The following WIPF1 variants were observed in gnomAD, a reference collection of about 807,000 sequenced individuals.
WIPF1 encodes WAS/WASL interacting protein family member 1, also known as WAS/WASL-interacting protein family member 1.
Under a neutral mutation model 35.4 loss-of-function variants are expected in WIPF1, and 13 were observed. That is an observed-to-expected ratio of 0.37 (90% CI 0.24 to 0.58). The LOEUF (loss-of-function observed/expected upper bound fraction) is 0.58. Ranked by LOEUF, WIPF1 falls within the 20% of genes least tolerant of loss-of-function variation. WIPF1 has a pLI of 0.74. For missense variants in WIPF1, 591 were observed against 667.0 expected, an observed-to-expected ratio of 0.89 and a Z score of 1.25; for synonymous variants, 267 against 266.3, an observed-to-expected ratio of 1.00 and a Z score of -0.02.
intron 1 of WIPF1, among the ~76,000 whole-genome samples, chr2:174,659,001 T>C (rs535943443): frequency 2.6e-5 from 4 of 152,164 alleles, no homozygotes; most frequent in South Asian, 4.2e-4. Context: ...GGAGATAATA[T>C]CTACTGTACA....
rs769341820 is a variant in WIPF1 at position 174,567,912 on chromosome 2, G to A, written c.1291C>T (p.Pro431Ser). Residue 431 changes from proline (P) to serine (S), a missense_variant, in exon 6 of 8, where the codon CCT becomes TCT. Coordinates refer to ENST00000679041, the MANE Select transcript of WIPF1 (RefSeq NM_001375834.1). ...DRPSAGAPPP[P>S]PPSTSIRNGF... ...TTTCTAATAGATGTTGATGGTGGAG[G>A]TGGGGGAGGTGCCCCAGCACTGGGC... 4 of 1,612,560 alleles carry A rather than the reference G, an allele frequency of 2.5e-6. No homozygotes were observed. Among genetic ancestry groups the A allele is most frequent in the Non-Finnish European group, 3.4e-6 (4 of 1,179,274 alleles).
rs986063352 is a variant in WIPF1, at chr2:174,585,372, A to G, written c.51+151T>C. On this transcript the variant is annotated intron_variant, in intron 2 of 7. Coordinates refer to ENST00000679041, the MANE Select transcript of WIPF1 (RefSeq NM_001375834.1). ...GTGTTGTTTGTATTTGCTGGGTTTCAGGATTTGGCTTACCCTGGGCACTGG... is the reference window on the plus strand; with the variant it reads ...GTGTTGTTTGTATTTGCTGGGTTTCGGGATTTGGCTTACCCTGGGCACTGG... The G allele has an allele frequency of 1.5e-5, 11 of 744,056 alleles. No homozygotes were observed. In the African/African-American group the frequency reaches 1.6e-4, roughly 11 times the overall value. 46.1% of individuals were successfully genotyped at this position (744,056 alleles called of 1,614,324 possible). A position where few individuals can be genotyped will look rare whatever the true frequency, so the allele number is the denominator to read the frequency against.
chr2:174,609,316 G>A (rs183699038), intron 1 of WIPF1, among the ~76,000 whole-genome samples: 10 of 152,288 alleles, frequency 6.6e-5, no homozygotes, highest in Admixed American at 6.5e-4. Flanking sequence ...TTGCACTGTT[G>A]TATTCATTCC....
At chr2:174,661,467 G>A (rs1380748330) in intron 1 of WIPF1, among the ~76,000 whole-genome samples, 1 of 151,896 alleles carries the variant, frequency 6.6e-6, no homozygotes, top group East Asian at 1.9e-4. Flanking sequence ...CACCAGGCAT[G>A]CCCTCAGCCT....
At chr2:174,601,610 C>T (rs1464036646), upstream of WIPF1, among the ~76,000 whole-genome samples, 10 of 152,228 alleles carry the variant, frequency 6.6e-5, no homozygotes, top group Admixed American at 6.5e-4. Flanking sequence ...TTGGAAGCCA[C>T]CTCTGCAGTG....
chr2:174,607,952 C>T (rs2105893840), intron 1 of WIPF1, among the ~76,000 whole-genome samples: 1 of 152,314 alleles, frequency 6.6e-6, no homozygotes, highest in East Asian at 1.9e-4. Context: ...TATGCTGCTC[C>T]ACGTTTGGCT....
At chr2:174,567,598 C>G (rs1249220597) in intron 6 of WIPF1, among the ~76,000 whole-genome samples, 1 of 152,212 alleles carries the variant, frequency 6.6e-6, no homozygotes, top group Non-Finnish European at 1.5e-5. Context: ...CCTGGAATCT[C>G]TGGAAAGTTA....
intron 1 of WIPF1, among the ~76,000 whole-genome samples, chr2:174,588,214 C>G (rs1371491525): frequency 6.6e-6 from 1 of 152,228 alleles, no homozygotes; most frequent in African/African-American, 2.4e-5. Context: ...AGGGGGATAG[C>G]CTGGTCTGCC....
intron 1 of WIPF1, among the ~76,000 whole-genome samples, chr2:174,623,949 T>C (rs989486348): frequency 6.6e-6 from 1 of 152,094 alleles, no homozygotes; most frequent in African/African-American, 2.4e-5. Flanking sequence ...GCTTTGTGGA[T>C]GGGCACAGGG....
intron 1 of WIPF1, among the ~76,000 whole-genome samples, chr2:174,654,723 G>A (rs980869553): frequency 6.7e-5 from 10 of 150,244 alleles, no homozygotes; most frequent in South Asian, 2.1e-4. Flanking sequence ...TATATCTTCC[G>A]ATTGCTCCCC....
intron 1 of WIPF1, among the ~76,000 whole-genome samples, chr2:174,647,785 G>C (rs574659663): frequency 6.6e-6 from 1 of 152,334 alleles, no homozygotes; most frequent in East Asian, 1.9e-4. Context: ...AAGCCATGAA[G>C]GTAGGTAGAG....
chr2:174,612,708 T>G (rs1485790332), intron 1 of WIPF1, among the ~76,000 whole-genome samples: 2 of 152,196 alleles, frequency 1.3e-5, no homozygotes, highest in Non-Finnish European at 2.9e-5. Flanking sequence ...CTTTGCCAAT[T>G]TGATAGGTTT....
chr2:174,570,277 T>C (rs1474313412), intron 5 of WIPF1, among the ~76,000 whole-genome samples: 2 of 152,156 alleles, frequency 1.3e-5, no homozygotes, highest in African/African-American at 2.4e-5. Context: ...ACAATATATG[T>C]AGTGGGATAC....
intron 1 of WIPF1, among the ~76,000 whole-genome samples, chr2:174,681,675 G>A (rs1688247209): frequency 6.6e-6 from 1 of 152,184 alleles, no homozygotes; most frequent in African/African-American, 2.4e-5. Flanking sequence ...CGCAGCCAGG[G>A]ATGGGGGAAT....
intron 1 of WIPF1, among the ~76,000 whole-genome samples, chr2:174,640,739 C>T (rs1664046197): frequency 1.3e-5 from 2 of 151,792 alleles, no homozygotes; most frequent in South Asian, 4.2e-4. Flanking sequence ...TAAGGTATAT[C>T]TCCTAATGCT....
intron 1 of WIPF1, among the ~76,000 whole-genome samples, chr2:174,642,599 G>C (rs189183656): frequency 1.3e-5 from 2 of 151,112 alleles, no homozygotes; most frequent in Non-Finnish European, 2.9e-5. Context: ...CACCTGCCTC[G>C]GCCTCCCAAA....
intron 1 of WIPF1, among the ~76,000 whole-genome samples, chr2:174,630,120 T>A (rs1163398697): frequency 6.6e-6 from 1 of 152,214 alleles, no homozygotes; most frequent in East Asian, 1.9e-4. Context: ...CACACGTATA[T>A]TTGTGTGTGC....
chr2:174,605,058 C>A (rs72914542), intron 1 of WIPF1, among the ~76,000 whole-genome samples: 7 of 152,130 alleles, frequency 4.6e-5, no homozygotes, highest in African/African-American at 1.7e-4. Flanking sequence ...AGTATTATAC[C>A]CACATTATAG....
intron 3 of WIPF1, among the ~76,000 whole-genome samples, chr2:174,579,141 C>A (rs761502754): frequency 2.0e-5 from 3 of 152,166 alleles, no homozygotes; most frequent in Non-Finnish European, 4.4e-5. Flanking sequence ...CCTCAGCCTT[C>A]CAAATAGCTG....
Sources: gnomAD v4.1 joint callset for allele counts (sites outside exome capture counted in the v4.1 genomes callset) on GRCh38, gnomAD v4.1.1 for gene constraint, MANE v1.5 for transcripts, NCBI Gene and HGNC (gene_info 2026-07-23, HGNC 2026-07-21) for gene names.